LIPI: variants seen among roughly 807,000 people sequenced by gnomAD.
LIPI encodes lipase I.
A neutral mutation model predicts 50.6 loss-of-function variants in LIPI; 59 were observed. The ratio of observed to expected loss-of-function variants is 1.16; its 90% CI spans 0.94 to 1.45. LIPI has a LOEUF of 1.45. Among genes scored for constraint, LIPI ranks in the 40% most tolerant of loss-of-function variants. LIPI has a pLI of 0.00. For missense variants in LIPI, 586 were observed against 536.3 expected (o/e 1.09, Z -0.92); for synonymous variants, 203 against 178.2 (o/e 1.14, Z -1.11).
chr21:14,206,153 T>C (rs528118305), intron 1 of LIPI, among the ~76,000 whole-genome samples: 1 of 152,124 alleles, frequency 6.6e-6, no homozygotes, highest in African/African-American at 2.4e-5. Context: ...GCCTGTGAAA[T>C]TGAGAGCAAG....
At chr21:14,175,186 G>C (rs1445454898) in intron 4 of LIPI, among the ~76,000 whole-genome samples, 1 of 146,022 alleles carries the variant, frequency 6.8e-6, no homozygotes, top group South Asian at 2.3e-4. Flanking sequence ...TACATCTGTT[G>C]GTTACATACC....
chr21:14,174,452 G>C (rs1489635764), intron 4 of LIPI, among the ~76,000 whole-genome samples: 3 of 152,106 alleles, frequency 2.0e-5, no homozygotes, highest in African/African-American at 7.2e-5. Flanking sequence ...GCACCTGGGA[G>C]CTCCCAGTGT....
intron 9 of LIPI, among the ~76,000 whole-genome samples, chr21:14,139,639 A>G (rs2017631642): frequency 6.6e-6 from 1 of 152,196 alleles, no homozygotes; most frequent in South Asian, 2.1e-4. Flanking sequence ...AGGACAGTAT[A>G]GATAATAACT....
chr21:14,137,181 G>A (rs927498161), intron 9 of LIPI, among the ~76,000 whole-genome samples: 7 of 152,128 alleles, frequency 4.6e-5, no homozygotes, highest in African/African-American at 1.4e-4. Context: ...AGACACCGAA[G>A]AACATCTACT....
chr21:14,173,384 G>C (rs2123205300), intron 4 of LIPI, among the ~76,000 whole-genome samples: 1 of 152,292 alleles, frequency 6.6e-6, no homozygotes, highest in Admixed American at 6.5e-5. Context: ...GAAACACATA[G>C]CTTTGATTCA....
At chr21:14,181,328 T>A (rs138404831) in intron 4 of LIPI, among the ~76,000 whole-genome samples, 107 of 152,324 alleles carry the variant, frequency 7.0e-4, no homozygotes, top group African/African-American at 2.5e-3. Context: ...TAAGGAAGAC[T>A]ATTCTTTATT....
Position 14,166,825 on chromosome 21 carries a change from C to T in LIPI, c.644-374G>A, listed in dbSNP as rs140355907. Among the ~76,000 whole-genome samples the T allele has an allele frequency of 1.2e-4, 19 of 152,264 alleles. No individual in the cohort carries two copies. The East Asian group carries it at 3.1e-3, about 25-fold the overall frequency. ...AAGGCAGCATTTCCATCTGAGGTAC[C>T]GGGTTCATCTCACTAGGGAGTGCCA... On this transcript the variant is annotated intron_variant, in intron 4 of 9. Transcript: ENST00000681601.
chr21:14,204,508 ATAAC>A (rs1165355112), intron 1 of LIPI, among the ~76,000 whole-genome samples: 2 of 152,064 alleles, frequency 1.3e-5, no homozygotes, highest in Non-Finnish European at 2.9e-5. Flanking sequence ...TCTCAATACA[ATAAC>A]TAAGGAGAGG....
rs577158738 is a variant in LIPI at position 14,161,039 on chromosome 21, TAC to T, written c.1006+2378_1006+2379del. On this transcript the variant is annotated intron_variant, in intron 7 of 9. Coordinates refer to ENST00000681601, the MANE Select transcript of LIPI (RefSeq NM_001302998.2). Reference sequence around the variant, plus strand: ...TTTTAATTGGGATAATGTAAAGTGGTACAGTCACTCCAAAAAAATGTTAAATT... The same window carrying T: ...TTTTAATTGGGATAATGTAAAGTGGTAGTCACTCCAAAAAAATGTTAAATT... 2.9e-3 allele frequency among the ~76,000 whole-genome samples: 433 copies of T among 151,410 alleles called. 3 individuals carry two copies. The highest frequency in any genetic ancestry group is 0.01 in the African/African-American group (419 of 41,476).
chr21:14,185,076 G>T (rs1037059480), intron 3 of LIPI, among the ~76,000 whole-genome samples: 5 of 151,816 alleles, frequency 3.3e-5, no homozygotes, highest in Admixed American at 3.3e-4. Flanking sequence ...AAGGTAAATT[G>T]GTTGAAAGGA....
At chr21:14,197,151 T>C (rs999979427) in intron 1 of LIPI, among the ~76,000 whole-genome samples, 23 of 151,414 alleles carry the variant, frequency 1.5e-4, no homozygotes, top group African/African-American at 5.6e-4. Flanking sequence ...AAAAAAATAA[T>C]TTATACTATT....
chr21:14,165,685 T>C (rs2018658918), intron 5 of LIPI, among the ~76,000 whole-genome samples: 1 of 152,228 alleles, frequency 6.6e-6, no homozygotes, highest in African/African-American at 2.4e-5. Flanking sequence ...ACTTAATAAC[T>C]AGTGTACACA....
rs1260112735 is a variant in LIPI, at chr21:14,108,954, T to C, written c.*39A>G. ...TTGCATTGTTTCATTTACAAGTCCA[T>C]TAATTCACAAGCAAGTGCATTTGAT... On this transcript the variant is annotated 3_prime_UTR_variant, in exon 10 of 10. Transcript: ENST00000681601. The C allele has an allele frequency of 6.2e-7, 1 of 1,609,416 alleles. No individual in the cohort carries two copies. The highest frequency in any genetic ancestry group is 8.5e-7 in the Non-Finnish European group (1 of 1,176,626).
chr21:14,111,779 C>T (rs2016424383), intron 9 of LIPI, among the ~76,000 whole-genome samples: 1 of 151,956 alleles, frequency 6.6e-6, no homozygotes, highest in South Asian at 2.1e-4. Flanking sequence ...TAAGGTGTGA[C>T]ATAAAGGTCT....
At chr21:14,166,507 G>T in intron 4 of LIPI, 56 bp from the exon 5 acceptor site, 1 of 908,342 alleles carries the variant, frequency 1.1e-6, no homozygotes, top group Non-Finnish European at 1.9e-6. Context: ...TGAGTATCTT[G>T]CATAAAACAA....
intron 9 of LIPI, among the ~76,000 whole-genome samples, chr21:14,129,753 A>C (rs2017210089): frequency 6.6e-6 from 1 of 151,938 alleles, no homozygotes; most frequent in Non-Finnish European, 1.5e-5. Flanking sequence ...GATTTTTAAA[A>C]AAACCTAAGT....
At chr21:14,125,252 C>T (rs1451601411) in intron 9 of LIPI, among the ~76,000 whole-genome samples, 1 of 152,056 alleles carries the variant, frequency 6.6e-6, no homozygotes, top group Non-Finnish European at 1.5e-5. Flanking sequence ...TTATTTATAT[C>T]TCTTTAATAG....
chr21:14,118,566 A>G (rs2016742559), intron 9 of LIPI, among the ~76,000 whole-genome samples: 1 of 152,214 alleles, frequency 6.6e-6, no homozygotes, highest in African/African-American at 2.4e-5. Context: ...AGCCTAAGGC[A>G]AAGAAAGGTT....
intron 8 of LIPI, among the ~76,000 whole-genome samples, chr21:14,148,007 C>T (rs1046329891): frequency 2.6e-5 from 4 of 152,086 alleles, no homozygotes; most frequent in Admixed American, 1.3e-4. Flanking sequence ...TCCTGAATAT[C>T]CAATATTGAT....
Sources: gnomAD v4.1 joint callset for allele counts (sites outside exome capture counted in the v4.1 genomes callset) on GRCh38, gnomAD v4.1.1 for gene constraint, MANE v1.5 for transcripts, NCBI Gene and HGNC (gene_info 2026-07-23, HGNC 2026-07-21) for gene names.